The following TMEM232 variants were observed in gnomAD, a reference collection of about 807,000 sequenced individuals.
The protein encoded by TMEM232 is transmembrane protein 232.
Under a neutral mutation model 78.8 loss-of-function variants are expected in TMEM232, and 80 were observed. That is an observed-to-expected ratio of 1.01 (90% confidence interval 0.85 to 1.22). The LOEUF (loss-of-function observed/expected upper bound fraction) is 1.22. TMEM232 is among the 50% of genes most tolerant of loss of function. The pLI, the probability that TMEM232 is intolerant of heterozygous loss-of-function variation, is 0.00. For synonymous variants in TMEM232, 297 were observed against 254.3 expected, an observed-to-expected ratio of 1.17 and a Z score of -1.60; for missense variants, 881 against 742.2, an observed-to-expected ratio of 1.19 and a Z score of -2.17.
intron 12 of TMEM232, among the ~76,000 whole-genome samples, chr5:110,456,155 CAGA>C (rs1347506546): frequency 5.3e-5 from 8 of 152,076 alleles, no homozygotes; most frequent in Non-Finnish European, 8.8e-5. Context: ...GAAGAATCTA[CAGA>C]AGAATAATCT....
intron 2 of TMEM232, among the ~76,000 whole-genome samples, chr5:110,646,513 A>C (rs1164425616): frequency 6.6e-6 from 1 of 151,832 alleles, no homozygotes; most frequent in South Asian, 2.1e-4. Flanking sequence ...GAAGAACGTA[A>C]TTAGACCCTT....
rs533090577 is a variant in TMEM232, at chr5:110,495,524, A to G, written c.1703+33064T>C. 5.9e-5 allele frequency among the ~76,000 whole-genome samples: 9 copies of G among 152,114 alleles called. No individual in the cohort carries two copies. The East Asian group carries it at 1.7e-3, about 29-fold the overall frequency. ...ATACATCTTGATTAAATGAAATATTATATTTACCCCAAATGTCCTATTTTG... is the reference window on the plus strand; with the variant it reads ...ATACATCTTGATTAAATGAAATATTGTATTTACCCCAAATGTCCTATTTTG... On this transcript the variant is annotated intron_variant, in intron 12 of 13. Coordinates refer to ENST00000455884, the MANE Select transcript of TMEM232 (RefSeq NM_001039763.4).
intron 12 of TMEM232, among the ~76,000 whole-genome samples, chr5:110,526,644 A>G (rs1326718521): frequency 6.6e-6 from 1 of 151,952 alleles, no homozygotes; most frequent in African/African-American, 2.4e-5. Context: ...AGGCACTGGA[A>G]ATATGTAACA....
At chr5:110,477,791 A>G (rs1241368010) in intron 12 of TMEM232, among the ~76,000 whole-genome samples, 4 of 151,920 alleles carry the variant, frequency 2.6e-5, no homozygotes, top group African/African-American at 4.8e-5. Flanking sequence ...CTCATTTTGT[A>G]TAATAGAAAT....
At chr5:110,596,599 C>T (rs906014883) in intron 10 of TMEM232, among the ~76,000 whole-genome samples, 1 of 152,078 alleles carries the variant, frequency 6.6e-6, no homozygotes, top group Non-Finnish European at 1.5e-5. Flanking sequence ...GATGAACATT[C>T]ATGCAAAAAT....
intron 1 of TMEM232, among the ~76,000 whole-genome samples, chr5:110,678,342 G>A (rs965866924): frequency 3.9e-5 from 6 of 152,150 alleles, no homozygotes; most frequent in Admixed American, 3.9e-4. Flanking sequence ...TGGGATTACA[G>A]GTGTGAGCCA....
At chr5:110,736,117 T>G (rs1336739872) in intron 1 of TMEM232, among the ~76,000 whole-genome samples, 1 of 152,216 alleles carries the variant, frequency 6.6e-6, no homozygotes, top group Non-Finnish European at 1.5e-5. Flanking sequence ...TAAAATGCAT[T>G]GGCCACTTTA....
At chr5:110,476,302 G>A (rs1763244318) in intron 12 of TMEM232, among the ~76,000 whole-genome samples, 1 of 151,862 alleles carries the variant, frequency 6.6e-6, no homozygotes, top group Non-Finnish European at 1.5e-5. Flanking sequence ...TCCTTAAAAG[G>A]AAATTTTGAT....
chr5:110,399,881 C>T (rs901658475), intron 2 of TMEM232, among the ~76,000 whole-genome samples: 2 of 152,150 alleles, frequency 1.3e-5, no homozygotes, highest in African/African-American at 4.8e-5. Flanking sequence ...ATCGTAGTCT[C>T]CCCAAAGTCT....
chr5:110,622,053 T>G (rs1469391513), intron 7 of TMEM232, among the ~76,000 whole-genome samples: 1 of 152,158 alleles, frequency 6.6e-6, no homozygotes, highest in Non-Finnish European at 1.5e-5. Context: ...TAGTTTTCAG[T>G]CATTTTGGGG....
chr5:110,502,213 C>G (rs757024533), intron 12 of TMEM232, among the ~76,000 whole-genome samples: 1 of 152,064 alleles, frequency 6.6e-6, no homozygotes, highest in Non-Finnish European at 1.5e-5. Flanking sequence ...ATTCCAATCC[C>G]ATCAAATGCA....
At chr5:110,438,976 A>G (rs1431345099) in intron 12 of TMEM232, among the ~76,000 whole-genome samples, 1 of 152,164 alleles carries the variant, frequency 6.6e-6, no homozygotes, top group Non-Finnish European at 1.5e-5. Context: ...TAAAAAATAG[A>G]TAATTTTCTG....
chr5:110,478,110 A>ATG (rs1459742728), intron 12 of TMEM232, among the ~76,000 whole-genome samples: 1 of 151,914 alleles, frequency 6.6e-6, no homozygotes, highest in Non-Finnish European at 1.5e-5. Flanking sequence ...TTTTATTCTT[A>ATG]TGTATTCACA....
At chr5:110,619,530 G>A (rs922460991) in intron 7 of TMEM232, among the ~76,000 whole-genome samples, 1 of 152,078 alleles carries the variant, frequency 6.6e-6, no homozygotes, top group African/African-American at 2.4e-5. Flanking sequence ...ACTGATTCTG[G>A]GGAACAATAA....
chr5:110,558,696 G>C (rs1019907605), intron 11 of TMEM232, among the ~76,000 whole-genome samples: 7 of 152,132 alleles, frequency 4.6e-5, no homozygotes, highest in Non-Finnish European at 1.0e-4. Context: ...GTAAACTTTG[G>C]AGGATGGGCA....
At chr5:110,516,692 A>C (rs2149487610) in intron 12 of TMEM232, among the ~76,000 whole-genome samples, 1 of 151,522 alleles carries the variant, frequency 6.6e-6, no homozygotes, top group East Asian at 1.9e-4. Flanking sequence ...AACATACAAA[A>C]GCAAAATGAT....
chr5:110,507,826 T>C (rs1031119859), intron 12 of TMEM232, among the ~76,000 whole-genome samples: 1 of 152,200 alleles, frequency 6.6e-6, no homozygotes, highest in Non-Finnish European at 1.5e-5. Flanking sequence ...GCACAGCCTT[T>C]AGAGAGAGAC....
chr5:110,427,288 T>A (rs1757343533), intron 12 of TMEM232, among the ~76,000 whole-genome samples: 1 of 151,976 alleles, frequency 6.6e-6, no homozygotes, highest in Admixed American at 6.6e-5. Context: ...GCCTTATTGT[T>A]TTCACAAGGA....
chr5:110,590,683 T>C (rs988793754), intron 10 of TMEM232, among the ~76,000 whole-genome samples: 1 of 151,318 alleles, frequency 6.6e-6, no homozygotes, highest in Non-Finnish European at 1.5e-5. Flanking sequence ...TTCATGGGGG[T>C]TGTATTCATC....
Sources: gnomAD v4.1 joint callset for allele counts (sites outside exome capture counted in the v4.1 genomes callset) on GRCh38, gnomAD v4.1.1 for gene constraint, MANE v1.5 for transcripts, NCBI Gene and HGNC (gene_info 2026-07-23, HGNC 2026-07-21) for gene names.